Variants in GPR137C observed in about 807,000 individuals in gnomAD.
GPR137C encodes G protein-coupled receptor 137C.
GPR137C carries 27 observed loss-of-function variants against 43.4 expected under a neutral mutation model. That is an observed-to-expected ratio of 0.62 (90% CI 0.46 to 0.86). GPR137C has a LOEUF of 0.86. Among genes scored for constraint, GPR137C ranks in the 40% least tolerant of loss-of-function variants. The probability of loss-of-function intolerance (pLI) is 0.00; values close to 1 mark genes in which losing one functional copy is unlikely to be tolerated. For synonymous variants in GPR137C, 285 were observed against 226.9 expected, an observed-to-expected ratio of 1.26 and a Z score of -2.30; for missense variants, 522 against 534.6, an observed-to-expected ratio of 0.98 and a Z score of 0.23.
chr14:52,634,672 ATT>A (rs1187886059), intron 6 of GPR137C, among the ~76,000 whole-genome samples: 1 of 152,138 alleles, frequency 6.6e-6, no homozygotes, highest in African/African-American at 2.4e-5. Flanking sequence ...TAAGGACTAC[ATT>A]GTTGTCATCT....
At chr14:52,617,142 G>T (rs1307485569) in intron 3 of GPR137C, among the ~76,000 whole-genome samples, 1 of 151,892 alleles carries the variant, frequency 6.6e-6, no homozygotes, top group Non-Finnish European at 1.5e-5. Context: ...TCTATTTTTG[G>T]TACTGGCTCT....
At chr14:52,591,210 T>C (rs1204824700) in intron 1 of GPR137C, among the ~76,000 whole-genome samples, 4 of 152,202 alleles carry the variant, frequency 2.6e-5, no homozygotes, top group Non-Finnish European at 5.9e-5. Context: ...ATGTGCCACA[T>C]TTTCTTAATC....
intron 3 of GPR137C, among the ~76,000 whole-genome samples, chr14:52,630,247 T>C (rs1410164005): frequency 6.6e-6 from 1 of 152,152 alleles, no homozygotes; most frequent in East Asian, 1.9e-4. Flanking sequence ...TTCTATAGTA[T>C]TTACAAATTT....
At chr14:52,629,785 A>G (rs1406064176) in intron 3 of GPR137C, among the ~76,000 whole-genome samples, 1 of 152,182 alleles carries the variant, frequency 6.6e-6, no homozygotes, top group African/African-American at 2.4e-5. Context: ...TCAAAACTCA[A>G]TGACTAGTAG....
intron 1 of GPR137C, among the ~76,000 whole-genome samples, chr14:52,567,151 T>C (rs946200849): frequency 2.6e-5 from 4 of 152,108 alleles, no homozygotes; most frequent in Non-Finnish European, 5.9e-5. Context: ...AGGTATTAGG[T>C]AGTTAAGAAC....
chr14:52,554,547 C>G (rs1279593077), intron 1 of GPR137C, among the ~76,000 whole-genome samples: 6 of 151,948 alleles, frequency 3.9e-5, no homozygotes, highest in Non-Finnish European at 8.8e-5. Flanking sequence ...AGACTTTCCC[C>G]CAAAAAAGTC....
At chr14:52,571,448 G>A (rs1339444020) in intron 1 of GPR137C, among the ~76,000 whole-genome samples, 1 of 152,140 alleles carries the variant, frequency 6.6e-6, no homozygotes, top group Non-Finnish European at 1.5e-5. Context: ...GCCGAGGCGG[G>A]TGGATCATGA....
At chr14:52,584,152 A>G (rs976832991) in intron 1 of GPR137C, among the ~76,000 whole-genome samples, 3 of 152,114 alleles carry the variant, frequency 2.0e-5, no homozygotes, top group African/African-American at 7.2e-5. Context: ...TTCCAATTCT[A>G]AATTACTACA....
chr14:52,604,330 T>G (rs1406583805), intron 3 of GPR137C, among the ~76,000 whole-genome samples: 1 of 152,216 alleles, frequency 6.6e-6, no homozygotes, highest in Non-Finnish European at 1.5e-5. Flanking sequence ...CAAAAAATAT[T>G]TGCCCAGATG....
chr14:52,582,457 T>A (rs2038660268), intron 1 of GPR137C, among the ~76,000 whole-genome samples: 1 of 152,216 alleles, frequency 6.6e-6, no homozygotes, highest in African/African-American at 2.4e-5. Context: ...CATCTTTCCT[T>A]TATTTGAAGC....
chr14:52,619,698 GCCAGATAGC>G (rs2039137929), intron 3 of GPR137C, among the ~76,000 whole-genome samples: 1 of 151,804 alleles, frequency 6.6e-6, no homozygotes, highest in Non-Finnish European at 1.5e-5. Flanking sequence ...TTTTTCCATG[GCCAGATAGC>G]CCACCCAGTA....
chr14:52,595,182 G>T (rs1379562476), intron 1 of GPR137C, among the ~76,000 whole-genome samples: 1 of 152,208 alleles, frequency 6.6e-6, no homozygotes, highest in East Asian at 1.9e-4. Flanking sequence ...TCTGCCGAGA[G>T]ATCCCCTGTT....
intron 1 of GPR137C, among the ~76,000 whole-genome samples, chr14:52,570,172 G>T (rs1719917201): frequency 6.6e-6 from 1 of 152,208 alleles, no homozygotes; most frequent in Non-Finnish European, 1.5e-5. Context: ...TAAGCCAGAA[G>T]AGAGTGGGGG....
intron 1 of GPR137C, among the ~76,000 whole-genome samples, chr14:52,572,496 C>T: frequency 6.6e-6 from 1 of 152,156 alleles, no homozygotes; most frequent in Non-Finnish European, 1.5e-5. Flanking sequence ...ATGACCAAAA[C>T]CACATAATTA....
chr14:52,555,072 A>G (rs2038172174), intron 1 of GPR137C, among the ~76,000 whole-genome samples: 1 of 152,034 alleles, frequency 6.6e-6, no homozygotes, highest in Non-Finnish European at 1.5e-5. Context: ...TTAAACTGAT[A>G]CATTGTAATC....
intron 1 of GPR137C, 47 bp downstream of exon 1, chr14:52,553,638 C>T: frequency 7.0e-7 from 1 of 1,427,850 alleles, no homozygotes; most frequent in Non-Finnish European, 9.3e-7. Flanking sequence ...GTGCGCGGGG[C>T]CGCCGGGATC....
intron 3 of GPR137C, among the ~76,000 whole-genome samples, chr14:52,617,728 T>G (rs1255614792): frequency 1.3e-5 from 2 of 152,074 alleles, no homozygotes; most frequent in African/African-American, 4.8e-5. Context: ...ATCAGAGAGA[T>G]AAGGATGTAA....
At chr14:52,628,582 G>T (rs1445835848) in intron 3 of GPR137C, among the ~76,000 whole-genome samples, 1 of 152,264 alleles carries the variant, frequency 6.6e-6, no homozygotes, top group Non-Finnish European at 1.5e-5. Flanking sequence ...GATCGCTTGA[G>T]GTCAGGAGTT....
intron 1 of GPR137C, among the ~76,000 whole-genome samples, chr14:52,559,721 A>G (rs940227013): frequency 2.0e-5 from 3 of 152,230 alleles, no homozygotes; most frequent in Non-Finnish European, 4.4e-5. Context: ...TTAGAAAAAC[A>G]GAAGTAAAAT....
Sources: allele counts gnomAD v4.1 joint callset (sites outside exome capture counted in the v4.1 genomes callset), GRCh38; gene constraint gnomAD v4.1.1; transcripts MANE v1.5; gene names NCBI Gene and HGNC (gene_info 2026-07-23, HGNC 2026-07-21).